Variants in DDB1 observed in about 807,000 individuals in gnomAD.
DDB1 encodes the protein damage specific DNA binding protein 1.
In DDB1, 18 loss-of-function variants were observed where a neutral mutation model predicts 133.1. The observed-to-expected ratio is 0.14, with a 90% CI of 0.09 to 0.20. The LOEUF is 0.20. Among genes scored for constraint, DDB1 ranks in the 10% least tolerant of loss-of-function variants. The pLI, the probability that DDB1 is intolerant of heterozygous loss-of-function variation, is 1.00. For missense variants in DDB1, 828 were observed against 1,459.2 expected, an observed-to-expected ratio of 0.57 and a Z score of 7.05; for synonymous variants, 580 against 550.5, an observed-to-expected ratio of 1.05 and a Z score of -0.75.
At chr11:61,300,359 T>A in intron 26 of DDB1, 140 bp from the exon 27 acceptor site, 9 of 820,540 alleles carry the variant, frequency 1.1e-5, no homozygotes, top group Non-Finnish European at 1.8e-5. Context: ...AACCCACGCC[T>A]CCCCCTGGGT....
rs1371302140 is a variant in DDB1, at chr11:61,300,325, A to C, written c.3340-106T>G. 5 of 1,191,854 alleles carry C rather than the reference A, an allele frequency of 4.2e-6. No homozygotes were observed. The East Asian group carries it at 1.0e-4, about 24-fold the overall frequency. The allele number at this position is 1,191,854 out of a possible 1,614,324, so 73.8% of individuals were successfully genotyped here. On this transcript the variant is annotated intron_variant, in intron 26 of 26. Coordinates refer to ENST00000301764, the MANE Select transcript of DDB1 (RefSeq NM_001923.5). ...GGAGGCACAAGACTCCACCATTGTC[A>C]TGGCAGAGGAAGGACTCACCAGAAA... is the stretch of plus-strand genomic sequence containing the variant.
At chr11:61,330,600 G>A (rs558072681) in intron 2 of DDB1, among the ~76,000 whole-genome samples, 47 of 152,178 alleles carry the variant, frequency 3.1e-4, no homozygotes, top group African/African-American at 1.1e-3. Flanking sequence ...CAATGTGGTG[G>A]TGATTTGGAT....
chr11:61,302,513 C>G lies in DDB1; in HGVS notation c.3112+69G>C, dbSNP rs1224765321. 1.9e-6 allele frequency: 3 copies of G among 1,602,192 alleles called. No individual in the cohort carries two copies. The East Asian group carries it at 6.7e-5, about 36-fold the overall frequency. On this transcript the variant is annotated intron_variant, in intron 24 of 26. Transcript: ENST00000301764. ...CTAGGTCTTGTACAGTTGCTCTCCC[C>G]AGTCCCTCAGAATGCTGGTATCAGG...
At chr11:61,310,173 C>T (rs2134904645) in intron 19 of DDB1, 122 bp downstream of exon 19, 1 of 1,452,902 alleles carries the variant, frequency 6.9e-7, no homozygotes, top group East Asian at 2.3e-5. Context: ...AATTCCCACC[C>T]CTCCTTTCTG....
At chr11:61,311,673 G>T in intron 18 of DDB1, 111 bp downstream of exon 18, 1 of 895,382 alleles carries the variant, frequency 1.1e-6, no homozygotes, top group Non-Finnish European at 1.7e-6. Flanking sequence ...AACAGTCAGT[G>T]GTAACTGAGA....
intron 25 of DDB1, chr11:61,301,840 C>G (rs549566850): frequency 1.6e-4 from 26 of 165,776 alleles, no homozygotes; most frequent in African/African-American, 5.7e-4. Flanking sequence ...GTGGCAGATT[C>G]TTTCAGTGTT....
intron 7 of DDB1, 46 bp from the exon 8 acceptor site, chr11:61,323,140 G>T: frequency 6.7e-7 from 1 of 1,503,276 alleles, no homozygotes; most frequent in Non-Finnish European, 9.2e-7. Context: ...TGGACCCTAC[G>T]TGGGATCCAG....
In DDB1 at chr11:61,329,979, C is replaced by T. The variant is rs1194268570; in HGVS notation, c.306G>A (p.Thr102=). The T allele has an allele frequency of 3.1e-6, 5 of 1,613,402 alleles. No individual in the cohort carries two copies. The highest frequency in any genetic ancestry group is 2.2e-5 in the East Asian group (1 of 44,842). ...TCACCTGGACATTGCCATGGGCTCG[C>T]GTAATGATGTCAATGCTCTCGCCAC... is the stretch of plus-strand genomic sequence containing the variant. The part of the protein sequence containing the change: ...KQSGESIDII[T]RAHGNVQDRI... The change falls in exon 3 of 27, where the codon ACG becomes ACA. Residue 102 remains threonine (T), a synonymous_variant. Coordinates refer to ENST00000301764, the MANE Select transcript of DDB1 (RefSeq NM_001923.5).
intron 7 of DDB1, chr11:61,323,322 T>G: frequency 1.8e-6 from 1 of 545,056 alleles, no homozygotes; most frequent in Non-Finnish European, 3.3e-6. Context: ...TAATTTGTCT[T>G]GCATATTCCT....
intron 25 of DDB1, 71 bp from the exon 26 acceptor site, chr11:61,301,003 A>G: frequency 1.3e-6 from 2 of 1,595,378 alleles, no homozygotes; most frequent in Non-Finnish European, 1.7e-6. Context: ...CCTTTGAATA[A>G]GACCACAATC....
intron 22 of DDB1, chr11:61,303,410 C>T (rs537156249): frequency 1.5e-5 from 6 of 411,682 alleles, no homozygotes; most frequent in African/African-American, 6.1e-5. Flanking sequence ...TAATCAGGGC[C>T]GGGCACAGTG....
At chr11:61,330,694 C>T (rs1476138306) in intron 2 of DDB1, among the ~76,000 whole-genome samples, 1 of 151,172 alleles carries the variant, frequency 6.6e-6, no homozygotes, top group East Asian at 1.9e-4. Flanking sequence ...GATGGAGTCT[C>T]GCTCTGTCAC....
intron 21 of DDB1, among the ~76,000 whole-genome samples, chr11:61,306,119 C>T (rs1350744173): frequency 6.6e-6 from 1 of 151,352 alleles, no homozygotes; most frequent in Non-Finnish European, 1.5e-5. Flanking sequence ...GATATGTCCT[C>T]ACCTGACCTC....
intron 7 of DDB1, 54 bp downstream of exon 7, chr11:61,323,925 T>C (rs910032669): frequency 6.3e-7 from 1 of 1,590,580 alleles, no homozygotes; most frequent in Non-Finnish European, 8.6e-7. Flanking sequence ...ACACATTTGG[T>C]GTCTTTAGGA....
chr11:61,332,894 C>A lies in DDB1; in HGVS notation c.61+14G>T. 6.8e-7 allele frequency: 1 copy of A among 1,476,702 alleles called. No individual in the cohort carries two copies. Among genetic ancestry groups the A allele is most frequent in the Non-Finnish European group, 9.1e-7 (1 of 1,104,004 alleles). 91.5% of individuals were successfully genotyped at this position (1,476,702 alleles called of 1,614,324 possible). A position where few individuals can be genotyped will look rare whatever the true frequency, so the allele number is the denominator to read the frequency against. ...TCCCTCACTCGCCGGGGTCTCCGGC[C>A]CCGGCAGCCTCACCGGTCACGCAGC... On this transcript the variant is annotated intron_variant, in intron 1 of 26. Coordinates refer to ENST00000301764, the MANE Select transcript of DDB1 (RefSeq NM_001923.5).
chr11:61,322,226 A>T, intron 9 of DDB1, 70 bp downstream of exon 9: 1 of 1,227,728 alleles, frequency 8.1e-7, no homozygotes, highest in Non-Finnish European at 1.2e-6. Flanking sequence ...CCCATTCTAG[A>T]TAAGCATAGC....
intron 18 of DDB1, chr11:61,311,311 C>T (rs1389734308): frequency 1.4e-5 from 2 of 143,132 alleles, no homozygotes; most frequent in African/African-American, 3.1e-5. Context: ...CATAACATAA[C>T]ATAACATAAC....
At chr11:61,321,521 A>C (rs1300761014) in intron 10 of DDB1, 74 bp downstream of exon 10, 1 of 1,389,178 alleles carries the variant, frequency 7.2e-7, no homozygotes, top group Non-Finnish European at 1.0e-6. Context: ...TCCCACCAAA[A>C]CGCCTTCACA....
At chr11:61,323,893 C>T in intron 7 of DDB1, 86 bp downstream of exon 7, 1 of 1,465,510 alleles carries the variant, frequency 6.8e-7, no homozygotes, top group East Asian at 2.3e-5. Context: ...TAACATAATT[C>T]CCAGAGTTGA....
Sources: allele counts gnomAD v4.1 joint callset (sites outside exome capture counted in the v4.1 genomes callset), GRCh38; gene constraint gnomAD v4.1.1; transcripts MANE v1.5; gene names NCBI Gene and HGNC (gene_info 2026-07-23, HGNC 2026-07-21).